CNTN4: variants seen among roughly 807,000 people sequenced by gnomAD.
CNTN4 encodes the protein contactin 4, also known as contactin-4.
A neutral mutation model predicts 122.5 loss-of-function variants in CNTN4; 77 were observed. The ratio of observed to expected loss-of-function variants is 0.63; its 90% confidence interval spans 0.52 to 0.76. The LOEUF (loss-of-function observed/expected upper bound fraction) is 0.76, where lower values mean the gene tolerates loss of function less well. Ranked by LOEUF, CNTN4 falls within the 30% of genes least tolerant of loss-of-function variation. CNTN4 has a pLI of 0.00. For synonymous variants in CNTN4, 512 were observed against 447.0 expected (o/e 1.15, Z -1.83); for missense variants, 1,256 against 1,259.1 (o/e 1.00, Z 0.04).
chr3:2,526,152 C>G (rs1209679241), intron 3 of CNTN4, among the ~76,000 whole-genome samples: 1 of 152,170 alleles, frequency 6.6e-6, no homozygotes, highest in Non-Finnish European at 1.5e-5. Context: ...ATGGTCCTCC[C>G]TATGACTCAG....
At chr3:2,816,236 C>A (rs553894867) in intron 6 of CNTN4, among the ~76,000 whole-genome samples, 2 of 148,218 alleles carry the variant, frequency 1.3e-5, no homozygotes, top group African/African-American at 5.3e-5. Flanking sequence ...CGCCTGTAGT[C>A]CCAGCTACTC....
chr3:2,612,500 C>G (rs1278025374), intron 4 of CNTN4, among the ~76,000 whole-genome samples: 1 of 152,004 alleles, frequency 6.6e-6, no homozygotes, highest in Non-Finnish European at 1.5e-5. Context: ...TTGGAACACA[C>G]ACAGTTGCTT....
intron 3 of CNTN4, among the ~76,000 whole-genome samples, chr3:2,540,414 G>T (rs1350711226): frequency 6.6e-6 from 1 of 151,974 alleles, no homozygotes; most frequent in East Asian, 1.9e-4. Flanking sequence ...ACAGAAAGCG[G>T]CCGACTGAGA....
intron 13 of CNTN4, among the ~76,000 whole-genome samples, chr3:2,962,682 G>T (rs1019014445): frequency 6.6e-6 from 1 of 152,190 alleles, no homozygotes; most frequent in Admixed American, 6.5e-5. Context: ...AGCTTTGGTT[G>T]TAAGACACAG....
chr3:2,353,656 C>T (rs2044739923), intron 3 of CNTN4, among the ~76,000 whole-genome samples: 1 of 152,146 alleles, frequency 6.6e-6, no homozygotes, highest in Non-Finnish European at 1.5e-5. Context: ...GTAACACTCA[C>T]CGTGAGGGTC....
chr3:2,958,355 G>A (rs2094821249), intron 13 of CNTN4, among the ~76,000 whole-genome samples: 1 of 152,068 alleles, frequency 6.6e-6, no homozygotes, highest in South Asian at 2.1e-4. Context: ...AAATGACCCA[G>A]GCAAGGTAAG....
At position 2,841,776 on chromosome 3, in the gene CNTN4, A is replaced by G. The variant is rs762505535; in HGVS notation, c.454+22195A>G. 6.6e-6 allele frequency among the ~76,000 whole-genome samples: 1 copy of G among 152,122 alleles called. No individual in the cohort carries two copies. The highest frequency in any genetic ancestry group is 1.5e-5 in the Non-Finnish European group (1 of 68,030). ...TAACATGATCATTTTCAGGAATTTT[A>G]TTCTTCCTCCCTTGACCACAAATAT... On this transcript the variant is annotated intron_variant, in intron 7 of 24. Transcript: ENST00000418658. This position sits in a 1 kb window ranked among gnomAD's most constrained non-coding sequence, Gnocchi z 4.8.
At chr3:2,470,277 C>T (rs745805410) in intron 3 of CNTN4, among the ~76,000 whole-genome samples, 5 of 152,016 alleles carry the variant, frequency 3.3e-5, no homozygotes, top group African/African-American at 9.7e-5. Context: ...GGGGTTTCAC[C>T]GTGTTAGCCC....
At chr3:2,257,806 G>T (rs1042904926) in intron 2 of CNTN4, among the ~76,000 whole-genome samples, 1 of 152,156 alleles carries the variant, frequency 6.6e-6, no homozygotes, top group Non-Finnish European at 1.5e-5. Flanking sequence ...GCTCATGCCT[G>T]TAATCTTAGC....
intron 2 of CNTN4, among the ~76,000 whole-genome samples, chr3:2,251,027 G>A (rs1309934218): frequency 6.6e-6 from 1 of 151,774 alleles, no homozygotes; most frequent in Non-Finnish European, 1.5e-5. Flanking sequence ...TATATATAGT[G>A]TCATATCTAA....
At chr3:2,471,121 A>T (rs1047707291) in intron 3 of CNTN4, among the ~76,000 whole-genome samples, 2 of 152,226 alleles carry the variant, frequency 1.3e-5, no homozygotes, top group African/African-American at 4.8e-5. Flanking sequence ...GAAACTAAAA[A>T]AATCACAGCA....
chr3:2,736,993 A>G (rs555790455), intron 5 of CNTN4, among the ~76,000 whole-genome samples: 2 of 152,056 alleles, frequency 1.3e-5, no homozygotes, highest in South Asian at 2.1e-4. Flanking sequence ...CATGTTGACC[A>G]GGCTGATCTT....
chr3:3,038,471 GT>G (rs1699827716), intron 18 of CNTN4, among the ~76,000 whole-genome samples: 1 of 152,148 alleles, frequency 6.6e-6, no homozygotes, highest in Non-Finnish European at 1.5e-5. Flanking sequence ...CATGCTGACT[GT>G]TCCTTACCCT....
In CNTN4 at chr3:2,902,860, C is replaced by A. The variant is rs576321553; in HGVS notation, c.1078-16C>A. 4.0e-4 allele frequency: 637 copies of A among 1,609,982 alleles called. No individual in the cohort carries two copies. The highest frequency in any genetic ancestry group is 9.9e-4 in the Middle Eastern group (6 of 6,076). Reference sequence around the variant, plus strand: ...GTAGAAGGTCATTGTTTTTATGTTCCTCTTTTCTTTCACAGGATAGAATTC... The same window carrying A: ...GTAGAAGGTCATTGTTTTTATGTTCATCTTTTCTTTCACAGGATAGAATTC... On this transcript the variant is annotated splice_polypyrimidine_tract_variant and intron_variant, in intron 11 of 24. Transcript: ENST00000418658.
chr3:2,818,920 C>G (rs1487615509), intron 6 of CNTN4, among the ~76,000 whole-genome samples: 2 of 152,130 alleles, frequency 1.3e-5, no homozygotes, highest in Non-Finnish European at 2.9e-5. Flanking sequence ...TAAAGAGAGA[C>G]AGTCACACTC....
At chr3:2,257,908 C>A (rs1465830088) in intron 2 of CNTN4, among the ~76,000 whole-genome samples, 2 of 152,030 alleles carry the variant, frequency 1.3e-5, no homozygotes, top group African/African-American at 2.4e-5. Context: ...ACTAAAAATA[C>A]AAAAATTAGC....
chr3:2,309,090 A>G (rs1009089022), intron 2 of CNTN4, among the ~76,000 whole-genome samples: 1 of 151,840 alleles, frequency 6.6e-6, no homozygotes, highest in African/African-American at 2.4e-5. Flanking sequence ...TGAATTTTCT[A>G]TTTCTTCTTT....
chr3:2,643,245 C>G (rs1390604255), intron 4 of CNTN4, among the ~76,000 whole-genome samples: 1 of 152,178 alleles, frequency 6.6e-6, no homozygotes, highest in Admixed American at 6.5e-5. Context: ...GCTATCTCAG[C>G]TCACTGCAAC....
At chr3:2,854,243 T>C (rs566461008) in intron 7 of CNTN4, among the ~76,000 whole-genome samples, 3 of 150,332 alleles carry the variant, frequency 2.0e-5, no homozygotes, top group African/African-American at 4.9e-5. Flanking sequence ...TAATGAAAAC[T>C]GGCATTTTAT....
Sources: allele counts gnomAD v4.1 joint callset (sites outside exome capture counted in the v4.1 genomes callset), GRCh38; gene constraint gnomAD v4.1.1; non-coding constraint Gnocchi (gnomAD v3.1); transcripts MANE v1.5; gene names NCBI Gene and HGNC (gene_info 2026-07-23, HGNC 2026-07-21).